ANTXR2: variants seen among roughly 807,000 people sequenced by gnomAD.
ANTXR2 encodes ANTXR cell adhesion molecule 2.
In ANTXR2, 44 loss-of-function variants were observed where a neutral mutation model predicts 73.7. The ratio of observed to expected loss-of-function variants is 0.60; its 90% CI spans 0.47 to 0.77. The LOEUF (loss-of-function observed/expected upper bound fraction) is 0.77. ANTXR2 is among the 30% of genes least tolerant of loss of function. The pLI is 0.00. For synonymous variants in ANTXR2, 217 were observed against 205.9 expected (o/e 1.05, Z -0.46); for missense variants, 604 against 592.5 (o/e 1.02, Z -0.20).
intron 16 of ANTXR2, among the ~76,000 whole-genome samples, chr4:79,914,845 C>T (rs1463416239): frequency 6.6e-6 from 1 of 152,118 alleles, no homozygotes; most frequent in Non-Finnish European, 1.5e-5. Context: ...CAATATAATT[C>T]TTTACAAATT....
intron 12 of ANTXR2, among the ~76,000 whole-genome samples, chr4:80,008,226 C>T (rs1210048869): frequency 6.6e-6 from 1 of 152,158 alleles, no homozygotes; most frequent in Admixed American, 6.5e-5. Flanking sequence ...ATTCAATTTA[C>T]TTGAATTTCT....
chr4:79,923,178 T>C (rs7685611), intron 16 of ANTXR2, among the ~76,000 whole-genome samples: 87,184 of 151,926 alleles, frequency 0.57, 25,355 homozygotes, highest in Non-Finnish European at 0.6. Context: ...AAGCATATAA[T>C]TGATATTGCA....
intron 3 of ANTXR2, among the ~76,000 whole-genome samples, chr4:80,064,203 A>T (rs983470153): frequency 6.6e-6 from 1 of 152,190 alleles, no homozygotes; most frequent in Non-Finnish European, 1.5e-5. Flanking sequence ...GTAATTGATT[A>T]TTGTGCTCAG....
In ANTXR2 at chr4:80,051,908, AC is replaced by A. The variant is rs1038147438; in HGVS notation, c.636+2363del. 1.4e-4 allele frequency among the ~76,000 whole-genome samples: 21 copies of A among 151,752 alleles called. 2 individuals carry two copies. The highest frequency in any genetic ancestry group is 4.6e-4 in the African/African-American group (19 of 41,492). On this transcript the variant is annotated intron_variant, in intron 7 of 16. Transcript: ENST00000403729. ...TGATATCTTACATTAAGGGGACCAG[AC>A]TATCTTGGTCATTGGATTTTAGAGG...
intron 12 of ANTXR2, among the ~76,000 whole-genome samples, chr4:79,997,330 C>CAAA (rs145607451): frequency 6.6e-6 from 1 of 150,956 alleles, no homozygotes; most frequent in South Asian, 2.1e-4. Context: ...TTGCCAGTGA[C>CAAA]AAAAAAAATG....
At position 79,926,979 on chromosome 4, in the gene ANTXR2, G is replaced by GTGCATATATGTGTGTATATACACA. The variant is rs1297326048; in HGVS notation, c.1429-19513_1429-19512insTGTGTATATACACACATATATGCA. ...CGTGTGCATATATGTGTATATATAC[G>GTGCATATATGTGTGTATATACACA]TGTGCATATATGTGTATATATACAC... On this transcript the variant is annotated intron_variant, in intron 16 of 16. Transcript: ENST00000403729. Among the ~76,000 whole-genome samples the GTGCATATATGTGTGTATATACACA allele has an allele frequency of 1.5e-3, 67 of 43,740 alleles. 1 individual carries two copies. Among genetic ancestry groups the GTGCATATATGTGTGTATATACACA allele is most frequent in the African/African-American group, 2.7e-3 (63 of 23,432 alleles). 28.7% of individuals were successfully genotyped at this position (43,740 alleles called of 152,430 possible). A position where few individuals can be genotyped will look rare whatever the true frequency, so the allele number is the denominator to read the frequency against.
intron 7 of ANTXR2, among the ~76,000 whole-genome samples, chr4:80,048,081 A>T (rs1193044904): frequency 1.3e-5 from 2 of 151,632 alleles, no homozygotes; most frequent in Non-Finnish European, 3.0e-5. Context: ...ATAGATTTTT[A>T]TTCATTTTAT....
At chr4:80,000,787 A>T (rs1220211125) in intron 12 of ANTXR2, among the ~76,000 whole-genome samples, 3 of 152,100 alleles carry the variant, frequency 2.0e-5, no homozygotes, top group Admixed American at 1.3e-4. Flanking sequence ...ATAGTTTCAC[A>T]GACACAGTAA....
At chr4:80,025,156 T>C (rs1205539729) in intron 10 of ANTXR2, among the ~76,000 whole-genome samples, 1 of 152,220 alleles carries the variant, frequency 6.6e-6, no homozygotes, top group Non-Finnish European at 1.5e-5. Flanking sequence ...TAAAATTAAA[T>C]TCAAACATAG....
At chr4:80,042,960 A>T (rs1379579073) in intron 7 of ANTXR2, among the ~76,000 whole-genome samples, 4 of 152,082 alleles carry the variant, frequency 2.6e-5, no homozygotes, top group African/African-American at 9.7e-5. Flanking sequence ...AACTTCCAGG[A>T]GGAATCCGTC....
At chr4:80,062,773 C>T (rs1002783114) in intron 3 of ANTXR2, among the ~76,000 whole-genome samples, 8 of 152,132 alleles carry the variant, frequency 5.3e-5, no homozygotes, top group Admixed American at 3.3e-4. Context: ...GAATACAGTG[C>T]GGTGGTGAAG....
intron 12 of ANTXR2, among the ~76,000 whole-genome samples, chr4:79,987,873 T>C (rs980555821): frequency 6.6e-6 from 1 of 152,024 alleles, no homozygotes; most frequent in Non-Finnish European, 1.5e-5. Context: ...CAAACTAAGC[T>C]TCATAAGTGA....
At chr4:80,000,013 GT>G in intron 12 of ANTXR2, among the ~76,000 whole-genome samples, 1 of 152,002 alleles carries the variant, frequency 6.6e-6, no homozygotes, top group South Asian at 2.1e-4. Flanking sequence ...TGTGGGCAGG[GT>G]AAAAAAATCA....
rs1732488291 is a variant in ANTXR2 at position 80,027,279 on chromosome 4, A to C, written c.866+4344T>G. Among the ~76,000 whole-genome samples the C allele has an allele frequency of 2.0e-5, 3 of 152,176 alleles. No individual in the cohort carries two copies. In the South Asian group the frequency reaches 6.2e-4, roughly 31 times the overall value. On this transcript the variant is annotated intron_variant, in intron 10 of 16. Coordinates refer to ENST00000403729, the MANE Select transcript of ANTXR2 (RefSeq NM_058172.6). ...TTGGAAAGAACAGAAACTGTAGTAA[A>C]GGCAGAATTTATCTAATCAAGAAAG...
chr4:79,991,634 C>A (rs1462373090), intron 12 of ANTXR2, among the ~76,000 whole-genome samples: 4 of 151,798 alleles, frequency 2.6e-5, no homozygotes, highest in Admixed American at 6.6e-5. Context: ...ATCGTTCTAC[C>A]AAAGACATAC....
At chr4:80,024,846 T>C (rs1732351222) in intron 10 of ANTXR2, 1 of 283,664 alleles carries the variant, frequency 3.5e-6, no homozygotes, top group South Asian at 3.0e-5. Flanking sequence ...ACAGCTAGGG[T>C]GAGAATATGA....
intron 14 of ANTXR2, among the ~76,000 whole-genome samples, chr4:79,980,315 T>A (rs1729832469): frequency 2.6e-5 from 4 of 152,182 alleles, no homozygotes. Context: ...ATTACAGTTT[T>A]CAAACTCTTA....
chr4:80,046,230 C>T (rs960895152), intron 7 of ANTXR2, among the ~76,000 whole-genome samples: 1 of 151,702 alleles, frequency 6.6e-6, no homozygotes, highest in African/African-American at 2.4e-5. Context: ...ACTTTAGTTT[C>T]TTCCACATCT....
chr4:80,015,763 A>T (rs940670568), intron 11 of ANTXR2, among the ~76,000 whole-genome samples: 20 of 148,498 alleles, frequency 1.3e-4, no homozygotes, highest in Non-Finnish European at 3.0e-5. Context: ...AAAAGAAAGG[A>T]CTGAAGGACT....
Sources: allele counts gnomAD v4.1 joint callset (sites outside exome capture counted in the v4.1 genomes callset), GRCh38; gene constraint gnomAD v4.1.1; transcripts MANE v1.5; gene names NCBI Gene and HGNC (gene_info 2026-07-23, HGNC 2026-07-21).